Variants in PIK3C2G observed in about 807,000 individuals in gnomAD.
PIK3C2G encodes phosphatidylinositol-4-phosphate 3-kinase catalytic subunit type 2 gamma.
In PIK3C2G, 168 loss-of-function variants were observed where a neutral mutation model predicts 181.1. The ratio of observed to expected loss-of-function variants is 0.93; its 90% CI spans 0.82 to 1.05. PIK3C2G has a LOEUF of 1.05. Among genes scored for constraint, PIK3C2G ranks in the 50% least tolerant of loss-of-function variants. The pLI, the probability that PIK3C2G is intolerant of heterozygous loss-of-function variation, is 0.00. For missense variants in PIK3C2G, 1,869 were observed against 1,732.8 expected (o/e 1.08, Z -1.40); for synonymous variants, 573 against 592.2 (o/e 0.97, Z 0.47).
At chr12:18,426,676 A>G (rs1419694225) in intron 18 of PIK3C2G, among the ~76,000 whole-genome samples, 2 of 152,234 alleles carry the variant, frequency 1.3e-5, no homozygotes, top group African/African-American at 2.4e-5. Context: ...ACAGGAAAAC[A>G]GCAAGTCAAT....
intron 24 of PIK3C2G, among the ~76,000 whole-genome samples, chr12:18,530,256 G>T (rs1296272884): frequency 6.6e-6 from 1 of 152,110 alleles, no homozygotes; most frequent in Non-Finnish European, 1.5e-5. Flanking sequence ...TCTTATAATA[G>T]AAGACCTGTT....
intron 29 of PIK3C2G, among the ~76,000 whole-genome samples, chr12:18,583,780 A>G (rs1946627205): frequency 6.6e-6 from 1 of 152,102 alleles, no homozygotes; most frequent in Non-Finnish European, 1.5e-5. Context: ...AAGAAAAAAA[A>G]AAATGCAGGA....
rs1442578199 is a variant in PIK3C2G at position 18,346,719 on chromosome 12, C to G, written c.1508C>G (p.Ala503Gly). The change falls in exon 11 of 33, where the codon GCA becomes GGA. Residue 503 changes from alanine to glycine, a missense_variant. Physicochemically the swap from Ala to Gly is moderately conservative, Grantham distance 60. Coordinates refer to ENST00000538779, the MANE Select transcript of PIK3C2G (RefSeq NM_001288772.2). ...AATGTCTACTGTAACAGCTTTTATG[C>G]AGATTTTCAGCCTGTAAATGTACCT... ...LINVYCNSFY[A>G]DFQPVNVPRC... The G allele has an allele frequency of 6.2e-7, 1 of 1,612,722 alleles. No individual in the cohort carries two copies. Among genetic ancestry groups the G allele is most frequent in the South Asian group, 1.1e-5 (1 of 91,046 alleles).
At position 18,456,710 on chromosome 12, in the gene PIK3C2G, AGTT is replaced by A. The variant is rs1947649098; in HGVS notation, c.2505-31734_2505-31732del. On this transcript the variant is annotated intron_variant, in intron 18 of 32. Coordinates refer to ENST00000538779, the MANE Select transcript of PIK3C2G (RefSeq NM_001288772.2). ...CCAGGTAACCTTTTCCTATTGGCAC[AGTT>A]GTTGGCATTCACCTGTGCAAGCTTC... 4.6e-5 allele frequency among the ~76,000 whole-genome samples: 7 copies of A among 152,264 alleles called. 1 individual carries two copies. The highest frequency in any genetic ancestry group is 1.7e-4 in the African/African-American group (7 of 41,570).
At chr12:18,291,778 T>G (rs1469980289) in intron 4 of PIK3C2G, among the ~76,000 whole-genome samples, 2 of 151,986 alleles carry the variant, frequency 1.3e-5, no homozygotes, top group East Asian at 3.9e-4. Context: ...TCTTACTCTA[T>G]TCAAGGTTCT....
chr12:18,611,531 A>T (rs1948335867), intron 31 of PIK3C2G, among the ~76,000 whole-genome samples: 1 of 152,080 alleles, frequency 6.6e-6, no homozygotes, highest in Non-Finnish European at 1.5e-5. Context: ...TGGAAATCTC[A>T]TCTGAAATCC....
At chr12:18,381,399 C>T (rs1942824883) in intron 13 of PIK3C2G, among the ~76,000 whole-genome samples, 1 of 151,886 alleles carries the variant, frequency 6.6e-6, no homozygotes, top group Non-Finnish European at 1.5e-5. Context: ...GAGTTGACAT[C>T]TTTATTGATT....
At chr12:18,463,448 G>C (rs1177354743) in intron 18 of PIK3C2G, among the ~76,000 whole-genome samples, 1 of 152,062 alleles carries the variant, frequency 6.6e-6, no homozygotes, top group Non-Finnish European at 1.5e-5. Flanking sequence ...CCTCAATCCA[G>C]GTTTTCCCTC....
upstream of PIK3C2G, among the ~76,000 whole-genome samples, chr12:18,257,323 A>T (rs1948155792): frequency 6.6e-6 from 1 of 152,196 alleles, no homozygotes; most frequent in Non-Finnish European, 1.5e-5. Flanking sequence ...TAAATATTTA[A>T]AGCAGGAAAG....
At chr12:18,724,422 AG>A in the PIK3C2G span, among the ~76,000 whole-genome samples, 1 of 152,132 alleles carries the variant, frequency 6.6e-6, no homozygotes, top group Admixed American at 6.6e-5. Context: ...ACTGGGAAAT[AG>A]GAATTTCAGC....
At chr12:18,288,885 C>G (rs1386865225) in intron 3 of PIK3C2G, among the ~76,000 whole-genome samples, 1 of 152,076 alleles carries the variant, frequency 6.6e-6, no homozygotes, top group East Asian at 1.9e-4. Context: ...TGATGATTTT[C>G]CAGTGACTTA....
chr12:18,725,500 A>G, the PIK3C2G span, among the ~76,000 whole-genome samples: 1 of 152,136 alleles, frequency 6.6e-6, no homozygotes, highest in Non-Finnish European at 1.5e-5. Context: ...AAGTCAGTAT[A>G]CCATTACACA....
At chr12:18,671,567 A>G in the PIK3C2G span, among the ~76,000 whole-genome samples, 5 of 152,106 alleles carry the variant, frequency 3.3e-5, no homozygotes. Flanking sequence ...AAACAAAACT[A>G]CAAATTTGAT....
chr12:18,395,606 TAAA>T (rs1943835041), intron 15 of PIK3C2G, among the ~76,000 whole-genome samples: 1 of 149,626 alleles, frequency 6.7e-6, no homozygotes, highest in African/African-American at 2.5e-5. Flanking sequence ...TGTAAATAAA[TAAA>T]AACAGTTTCA....
intron 31 of PIK3C2G, among the ~76,000 whole-genome samples, chr12:18,619,967 G>A (rs370231786): frequency 1.3e-4 from 19 of 151,992 alleles, no homozygotes; most frequent in East Asian, 1.2e-3. Flanking sequence ...CTCGTGATCC[G>A]CCCACCACGG....
Position 18,301,359 on chromosome 12 carries a change from T to C in PIK3C2G, c.1034+7344T>C, listed in dbSNP as rs562084391. ...ACCCAAAATGTGAATATTTGGTTGC[T>C]TTATGGTGTCCCATATGTCACATAG... is the stretch of plus-strand genomic sequence containing the variant. On this transcript the variant is annotated intron_variant, in intron 5 of 32. Transcript: ENST00000538779. Among the ~76,000 whole-genome samples, 379 of 152,300 alleles carry C rather than the reference T, an allele frequency of 2.5e-3. 1 individual carries two copies. The highest frequency in any genetic ancestry group is 8.7e-3 in the African/African-American group (362 of 41,586).
chr12:18,437,847 G>A (rs55693434), intron 18 of PIK3C2G, among the ~76,000 whole-genome samples: 4 of 151,650 alleles, frequency 2.6e-5, no homozygotes, highest in Non-Finnish European at 5.9e-5. Flanking sequence ...ACTGGTAGAC[G>A]TCAGTGAACA....
At chr12:18,666,864 T>G in the PIK3C2G span, among the ~76,000 whole-genome samples, 1 of 152,208 alleles carries the variant, frequency 6.6e-6, no homozygotes, top group Non-Finnish European at 1.5e-5. Flanking sequence ...TTTCTTATTT[T>G]TGCAATTTTC....
At chr12:18,586,169 G>A (rs192834729) in intron 29 of PIK3C2G, among the ~76,000 whole-genome samples, 48 of 152,206 alleles carry the variant, frequency 3.2e-4, no homozygotes, top group Admixed American at 1.1e-3. Context: ...CAACCCCAAA[G>A]CTAGCAGAAG....
Sources: gnomAD v4.1 joint callset for allele counts (sites outside exome capture counted in the v4.1 genomes callset) on GRCh38, gnomAD v4.1.1 for gene constraint, MANE v1.5 for transcripts, NCBI Gene and HGNC (gene_info 2026-07-23, HGNC 2026-07-21) for gene names.